MRPL45: variants seen among roughly 807,000 people sequenced by gnomAD.
MRPL45 encodes the protein large ribosomal subunit protein mL45.
A neutral mutation model predicts 38.1 loss-of-function variants in MRPL45; 20 were observed. The ratio of observed to expected loss-of-function variants is 0.53; its 90% CI spans 0.37 to 0.76. The LOEUF is 0.76. MRPL45 is among the 30% of genes least tolerant of loss of function. The probability of loss-of-function intolerance (pLI) is 0.00; values close to 1 mark genes in which losing one functional copy is unlikely to be tolerated. For missense variants in MRPL45, 337 were observed against 395.6 expected (o/e 0.85, Z 1.26); for synonymous variants, 105 against 128.8 (o/e 0.82, Z 1.25).
At chr17:38,302,539 A>G (rs1047696807) in intron 3 of MRPL45, among the ~76,000 whole-genome samples, 1 of 130,866 alleles carries the variant, frequency 7.6e-6, no homozygotes, top group African/African-American at 2.9e-5. Context: ...AGAGTTAGCC[A>G]GGTGGAGAAG....
At position 38,310,334 on chromosome 17, in the gene MRPL45, G is replaced by GT. The variant is rs1183417154; in HGVS notation, c.461+3715dup. ...TCTTGTCATTTTTGTTTTTGTTTTT[G>GT]TTTTTTTTTTTTGAGATGGAGTCTT... is the stretch of plus-strand genomic sequence containing the variant. On this transcript the variant is annotated intron_variant, in intron 4 of 7. Coordinates refer to ENST00000613675, the MANE Select transcript of MRPL45 (RefSeq NM_032351.6). 4.5e-3 allele frequency among the ~76,000 whole-genome samples: 625 copies of GT among 137,430 alleles called. 2 individuals carry two copies. Among genetic ancestry groups the GT allele is most frequent in the Middle Eastern group, 0.011 (3 of 268 alleles). The allele number at this position is 137,430 out of a possible 152,430, so 90.2% of individuals were successfully genotyped here.
At chr17:38,308,801 C>T (rs893395047) in intron 4 of MRPL45, among the ~76,000 whole-genome samples, 4 of 152,052 alleles carry the variant, frequency 2.6e-5, no homozygotes, top group African/African-American at 9.7e-5. Context: ...GTCTCAAACT[C>T]CTGACCTCAG....
intron 4 of MRPL45, among the ~76,000 whole-genome samples, chr17:38,317,524 T>G (rs1672536355): frequency 6.6e-6 from 1 of 152,124 alleles, no homozygotes; most frequent in Non-Finnish European, 1.5e-5. Flanking sequence ...CCTAAAATCT[T>G]GTATCTATAG....
chr17:38,313,319 T>TATAC (rs2037137328), intron 4 of MRPL45, among the ~76,000 whole-genome samples: 1 of 28,452 alleles, frequency 3.5e-5, no homozygotes, highest in African/African-American at 2.1e-4. Flanking sequence ...AAAATATATA[T>TATAC]ATATATATAT....
intron 4 of MRPL45, among the ~76,000 whole-genome samples, chr17:38,315,519 T>C (rs2144231486): frequency 6.6e-6 from 1 of 152,130 alleles, no homozygotes; most frequent in Middle Eastern, 3.4e-3. Flanking sequence ...TCCTCTTGCC[T>C]CTGCCTCCCA....
intron 3 of MRPL45, among the ~76,000 whole-genome samples, chr17:38,301,127 C>T (rs1473458835): frequency 6.6e-6 from 1 of 152,134 alleles, no homozygotes; most frequent in Non-Finnish European, 1.5e-5. Context: ...TTTTTCTCAT[C>T]CTAAATTTTA....
intron 4 of MRPL45, among the ~76,000 whole-genome samples, chr17:38,316,453 C>T (rs1331753512): frequency 6.6e-6 from 1 of 152,062 alleles, no homozygotes; most frequent in African/African-American, 2.4e-5. Context: ...ATATTTAGGA[C>T]AATTGATTTG....
Position 38,322,124 on chromosome 17 carries a change from A to G in MRPL45, c.661-2A>G. On this transcript the variant is annotated splice_acceptor_variant, in intron 6 of 7. Coordinates refer to ENST00000613675, the MANE Select transcript of MRPL45 (RefSeq NM_032351.6). LOFTEE classifies it high-confidence loss of function. ...AGGCCAGATTTGCTTTTATCCTTGC[A>G]GACTCTGGCCATCTATGACCGGTTT... 1 of 1,613,250 alleles carries G rather than the reference A, an allele frequency of 6.2e-7. No individual in the cohort carries two copies. The highest frequency in any genetic ancestry group is 8.5e-7 in the Non-Finnish European group (1 of 1,179,334).
chr17:38,299,607 A>G (rs968565900), intron 3 of MRPL45, 139 bp downstream of exon 3: 45 of 589,060 alleles, frequency 7.6e-5, no homozygotes, highest in Non-Finnish European at 1.2e-4. Flanking sequence ...CCTTTGTACT[A>G]GAGTCTGTAT....
intron 3 of MRPL45, among the ~76,000 whole-genome samples, chr17:38,300,928 A>G (rs2036988841): frequency 6.6e-6 from 1 of 152,184 alleles, no homozygotes; most frequent in South Asian, 2.1e-4. Context: ...CCTGGGCAAC[A>G]AGGGCGAAAC....
chr17:38,314,899 A>G lies in MRPL45; in HGVS notation c.462-3788A>G, dbSNP rs528508464. Reference sequence around the variant, plus strand: ...GTGGCTAGTTCAACCTAGTTTGAATAATATCAACTTAGTTTCAATAATATA... The same window carrying G: ...GTGGCTAGTTCAACCTAGTTTGAATGATATCAACTTAGTTTCAATAATATA... On this transcript the variant is annotated intron_variant, in intron 4 of 7. Coordinates refer to ENST00000613675, the MANE Select transcript of MRPL45 (RefSeq NM_032351.6). Among the ~76,000 whole-genome samples, 5 of 152,356 alleles carry G rather than the reference A, an allele frequency of 3.3e-5. No individual in the cohort carries two copies. In the South Asian group the frequency reaches 1.0e-3, roughly 32 times the overall value.
intron 4 of MRPL45, among the ~76,000 whole-genome samples, chr17:38,308,736 G>A (rs574319005): frequency 5.5e-4 from 83 of 151,570 alleles, no homozygotes; most frequent in African/African-American, 1.7e-3. Context: ...CAACGCGCCC[G>A]GCCTAATTTT....
chr17:38,309,660 T>C (rs958681875), intron 4 of MRPL45, among the ~76,000 whole-genome samples: 12 of 151,966 alleles, frequency 7.9e-5, no homozygotes, highest in African/African-American at 2.7e-4. Context: ...GGTCTGGCCT[T>C]GTTGCCCAGG....
intron 4 of MRPL45, among the ~76,000 whole-genome samples, chr17:38,309,757 C>T (rs2037092518): frequency 6.6e-6 from 1 of 151,700 alleles, no homozygotes; most frequent in African/African-American, 2.4e-5. Flanking sequence ...CCACACTGGG[C>T]CATGTGTGTG....
chr17:38,320,876 G>A, intron 6 of MRPL45, 109 bp downstream of exon 6: 3 of 1,036,512 alleles, frequency 2.9e-6, no homozygotes, highest in African/African-American at 1.6e-5. Context: ...GTAATAAAAG[G>A]TACACTGTGA....
At chr17:38,309,393 G>C (rs946226697) in intron 4 of MRPL45, among the ~76,000 whole-genome samples, 4 of 151,678 alleles carry the variant, frequency 2.6e-5, no homozygotes, top group Admixed American at 1.3e-4. Flanking sequence ...GGTGGTGCAT[G>C]TGTGTAATCT....
intron 4 of MRPL45, among the ~76,000 whole-genome samples, chr17:38,310,139 T>TA (rs1466437659): frequency 6.7e-6 from 1 of 148,974 alleles, no homozygotes; most frequent in African/African-American, 2.4e-5. Context: ...TCTTTTTTTT[T>TA]TTTTTTTAGT....
intron 4 of MRPL45, among the ~76,000 whole-genome samples, chr17:38,312,183 AT>A (rs1398991450): frequency 1.8e-4 from 27 of 151,568 alleles, no homozygotes; most frequent in African/African-American, 6.3e-4. Flanking sequence ...AGTAGCTGGG[AT>A]TACAGACGCC....
At chr17:38,309,116 A>C (rs2037082750) in intron 4 of MRPL45, among the ~76,000 whole-genome samples, 1 of 149,816 alleles carries the variant, frequency 6.7e-6, no homozygotes, top group South Asian at 2.2e-4. Context: ...CATATTGGCC[A>C]GGCTGGTCTC....
Sources: allele counts gnomAD v4.1 joint callset (sites outside exome capture counted in the v4.1 genomes callset), GRCh38; gene constraint gnomAD v4.1.1; transcripts MANE v1.5; gene names NCBI Gene and HGNC (gene_info 2026-07-23, HGNC 2026-07-21).